Variants in KLF7 observed in about 807,000 individuals in gnomAD.
KLF7 encodes the protein Krueppel-like factor 7.
In KLF7, 2 loss-of-function variants were observed where a neutral mutation model predicts 27.3. The observed-to-expected ratio is 0.07, with a 90% CI of 0.03 to 0.23. The LOEUF is 0.23. Among genes scored for constraint, KLF7 ranks in the 10% least tolerant of loss-of-function variants. The probability of loss-of-function intolerance (pLI) is 1.00; values close to 1 mark genes in which losing one functional copy is unlikely to be tolerated. For synonymous variants in KLF7, 165 were observed against 162.4 expected, an observed-to-expected ratio of 1.02 and a Z score of -0.12; for missense variants, 221 against 394.1, an observed-to-expected ratio of 0.56 and a Z score of 3.72.
At chr2:207,081,982 C>T (rs545251821) in intron 3 of KLF7, among the ~76,000 whole-genome samples, 1 of 151,838 alleles carries the variant, frequency 6.6e-6, no homozygotes, top group Admixed American at 6.5e-5. Context: ...TAAGTATTCT[C>T]ACGCTTTGTG....
At chr2:207,093,982 T>C (rs757650343) in intron 2 of KLF7, among the ~76,000 whole-genome samples, 5 of 152,246 alleles carry the variant, frequency 3.3e-5, no homozygotes, top group Non-Finnish European at 7.3e-5. Context: ...GAAAACTTCC[T>C]GTAACTTAAT....
chr2:207,122,084 T>C (rs576291266), intron 2 of KLF7: 4 of 152,338 alleles, frequency 2.6e-5, no homozygotes, highest in African/African-American at 7.2e-5. Flanking sequence ...TGTCTTGCCA[T>C]AACTTTACTC....
chr2:207,115,267 T>C (rs1411462424), intron 2 of KLF7, among the ~76,000 whole-genome samples: 4 of 152,152 alleles, frequency 2.6e-5, no homozygotes, highest in Non-Finnish European at 2.9e-5. Flanking sequence ...TGGGGCATTC[T>C]GATCTTTCCT....
At position 207,155,687 on chromosome 2, in the gene KLF7, G is replaced by A. The variant is rs546417651; in HGVS notation, c.102+9780C>T. 1.3e-3 allele frequency among the ~76,000 whole-genome samples: 195 copies of A among 152,264 alleles called. 2 individuals are homozygous for A. The highest frequency in any genetic ancestry group is 3.4e-3 in the Middle Eastern group (1 of 294). Reference sequence around the variant, plus strand: ...GAACAATCTTGGAAGAAATGAAGTCGACTCAGGTCTGACCTTAAGCAGCAT... The same window carrying A: ...GAACAATCTTGGAAGAAATGAAGTCAACTCAGGTCTGACCTTAAGCAGCAT... On this transcript the variant is annotated intron_variant, in intron 1 of 3. Transcript: ENST00000309446.
At chr2:207,134,446 G>A (rs7580722) in intron 1 of KLF7, among the ~76,000 whole-genome samples, 3,109 of 152,132 alleles carry the variant, frequency 0.02, 94 homozygotes, top group African/African-American at 0.071. Flanking sequence ...CTTTCAAAAC[G>A]GAGAGCTTTG....
the KLF7 span, among the ~76,000 whole-genome samples, chr2:207,172,990 GTAC>G: frequency 6.6e-6 from 1 of 151,888 alleles, no homozygotes; most frequent in South Asian, 2.1e-4. Flanking sequence ...ATATTTTTGT[GTAC>G]TGACTTTTTC....
chr2:207,133,845 C>T (rs887566702), intron 1 of KLF7, among the ~76,000 whole-genome samples: 1 of 152,160 alleles, frequency 6.6e-6, no homozygotes, highest in South Asian at 2.1e-4. Flanking sequence ...TCTCATTCCT[C>T]CCCCCAGTGG....
intron 1 of KLF7, among the ~76,000 whole-genome samples, chr2:207,135,044 A>G (rs2077746705): frequency 6.6e-6 from 1 of 152,342 alleles, no homozygotes; most frequent in Non-Finnish European, 1.5e-5. Context: ...AAAATACCAA[A>G]TAAGTTTCCA....
intron 1 of KLF7, among the ~76,000 whole-genome samples, chr2:207,161,771 T>C (rs1386590330): frequency 1.3e-5 from 2 of 152,192 alleles, no homozygotes; most frequent in Admixed American, 6.5e-5. Context: ...GGGGACACTT[T>C]AGTCCTTACA....
chr2:207,124,229 G>A lies in KLF7; in HGVS notation c.278C>T (p.Ser93Leu), dbSNP rs752417303. ...PVEAAICEKSSAVDILLSRDK... is the reference protein window; with the variant it reads ...PVEAAICEKSLAVDILLSRDK... ...CCGAGAGAGCAAGATGTCCACTGCC[G>A]AGCTCTTCTCACAGATGGCCGCTTC... The change falls in exon 2 of 4, where the codon TCG (serine) becomes TTG (leucine). Residue 93 changes from serine to leucine, a missense_variant. Ser to Leu is a moderately radical substitution (Grantham distance 145). Transcript: ENST00000309446. The A allele has an allele frequency of 1.2e-6, 2 of 1,614,068 alleles. No homozygotes were observed. Among genetic ancestry groups the A allele is most frequent in the Non-Finnish European group, 1.7e-6 (2 of 1,180,024 alleles).
intron 2 of KLF7, among the ~76,000 whole-genome samples, chr2:207,104,312 G>A (rs2076831970): frequency 6.6e-6 from 1 of 152,160 alleles, no homozygotes; most frequent in African/African-American, 2.4e-5. Context: ...CCTTCCTCGT[G>A]TAGATACACA....
chr2:207,137,362 C>A (rs984979469), intron 1 of KLF7, among the ~76,000 whole-genome samples: 11 of 152,146 alleles, frequency 7.2e-5, no homozygotes, highest in Admixed American at 2.6e-4. Context: ...TTCTGTAAGC[C>A]CCACACACCA....
At chr2:207,164,035 G>A (rs1469425648) in intron 1 of KLF7, among the ~76,000 whole-genome samples, 1 of 152,196 alleles carries the variant, frequency 6.6e-6, no homozygotes, top group Non-Finnish European at 1.5e-5. Flanking sequence ...TGCATGTGTG[G>A]ACACAGAGAC....
chr2:207,125,421 G>T (rs1235906707), intron 1 of KLF7, among the ~76,000 whole-genome samples: 3 of 152,092 alleles, frequency 2.0e-5, no homozygotes, highest in Non-Finnish European at 4.4e-5. Context: ...AGCTCAATTT[G>T]CTCTATCTTC....
intron 1 of KLF7, among the ~76,000 whole-genome samples, chr2:207,146,140 G>C (rs185278765): frequency 1.3e-5 from 2 of 152,322 alleles, no homozygotes; most frequent in African/African-American, 2.4e-5. Flanking sequence ...CAGGCAAGTG[G>C]ACAGGTGAAT....
At chr2:207,133,092 G>A (rs1416975068) in intron 1 of KLF7, among the ~76,000 whole-genome samples, 2 of 152,126 alleles carry the variant, frequency 1.3e-5, no homozygotes, top group Non-Finnish European at 2.9e-5. Context: ...AGACAACACT[G>A]CTTATGCAGA....
At chr2:207,130,727 G>A (rs2077608005) in intron 1 of KLF7, among the ~76,000 whole-genome samples, 1 of 152,120 alleles carries the variant, frequency 6.6e-6, no homozygotes, top group Non-Finnish European at 1.5e-5. Flanking sequence ...TTATTTCTGT[G>A]TCTTTTAATT....
In KLF7 at chr2:207,085,601, C is replaced by T. The variant is rs76160026; in HGVS notation, c.857+2857G>A. Among the ~76,000 whole-genome samples the T allele has an allele frequency of 3.8e-3, 581 of 152,316 alleles. 7 individuals carry two copies. The highest frequency in any genetic ancestry group is 0.013 in the African/African-American group (548 of 41,570). On this transcript the variant is annotated intron_variant, in intron 3 of 3. Transcript: ENST00000309446. ...AAACATGAAGCCAGAAGTCACAAAA[C>T]CCAGTGTCTGCAAGGCCAGGCAGAT...
At chr2:207,141,836 A>G (rs563995973) in intron 1 of KLF7, among the ~76,000 whole-genome samples, 1 of 152,156 alleles carries the variant, frequency 6.6e-6, no homozygotes, top group East Asian at 1.9e-4. Flanking sequence ...ACTGTCTCTT[A>G]GGGTAGTTAT....
Sources: allele counts gnomAD v4.1 joint callset (sites outside exome capture counted in the v4.1 genomes callset), GRCh38; gene constraint gnomAD v4.1.1; transcripts MANE v1.5; gene names NCBI Gene and HGNC (gene_info 2026-07-23, HGNC 2026-07-21).